PHACTR2: variants seen among roughly 807,000 people sequenced by gnomAD.
PHACTR2 encodes chromosome 6 open reading frame 56.
Under a neutral mutation model 76.0 loss-of-function variants are expected in PHACTR2, and 30 were observed. That is an observed-to-expected ratio of 0.39 (90% CI 0.30 to 0.54). The LOEUF (loss-of-function observed/expected upper bound fraction) is 0.54, where lower values mean the gene tolerates loss of function less well. PHACTR2 is among the 20% of genes least tolerant of loss of function. The pLI is 0.61. For missense variants in PHACTR2, 696 were observed against 781.1 expected, an observed-to-expected ratio of 0.89 and a Z score of 1.30; for synonymous variants, 292 against 292.5, an observed-to-expected ratio of 1.00 and a Z score of 0.02.
chr6:143,665,882 T>C (rs2128449405), intron 1 of PHACTR2, among the ~76,000 whole-genome samples: 1 of 152,338 alleles, frequency 6.6e-6, no homozygotes, highest in East Asian at 1.9e-4. Flanking sequence ...ATTATTTTTA[T>C]TTTATTATAC....
At chr6:143,727,698 C>G (rs950282278) in intron 2 of PHACTR2, among the ~76,000 whole-genome samples, 4 of 152,130 alleles carry the variant, frequency 2.6e-5, no homozygotes, top group Non-Finnish European at 5.9e-5. Flanking sequence ...ATTTGCATTT[C>G]CCTGATGATT....
chr6:143,720,092 G>C (rs576922589), intron 2 of PHACTR2, among the ~76,000 whole-genome samples: 8 of 152,040 alleles, frequency 5.3e-5, no homozygotes, highest in Non-Finnish European at 8.8e-5. Context: ...GATTATAAGT[G>C]TGCGCCACTG....
intron 7 of PHACTR2, 102 bp from the exon 8 acceptor site, chr6:143,773,957 G>A: frequency 1.2e-6 from 1 of 859,334 alleles, no homozygotes; most frequent in Non-Finnish European, 1.8e-6. Context: ...TGAGGAGAAA[G>A]AATTTGGTCT....
intron 1 of PHACTR2, among the ~76,000 whole-genome samples, chr6:143,567,553 C>T (rs946614517): frequency 6.6e-5 from 10 of 152,172 alleles, no homozygotes; most frequent in Admixed American, 4.6e-4. Flanking sequence ...CACACGCCGC[C>T]GCGCCTGGTG....
rs934533534 is a variant in PHACTR2 at position 143,753,480 on chromosome 6, C to G, written c.296-274C>G. Among the ~76,000 whole-genome samples, 1 of 152,108 alleles carries G rather than the reference C, an allele frequency of 6.6e-6. No homozygotes were observed. Among genetic ancestry groups the G allele is most frequent in the African/African-American group, 2.4e-5 (1 of 41,416 alleles). ...CTTCAGACAAACCTAAGCACATGAACGAGGGACTCTGCTGCCCTGGGATAT... is the reference window on the plus strand; with the variant it reads ...CTTCAGACAAACCTAAGCACATGAAGGAGGGACTCTGCTGCCCTGGGATAT... On this transcript the variant is annotated intron_variant, in intron 3 of 12. Coordinates refer to ENST00000440869, the MANE Select transcript of PHACTR2 (RefSeq NM_001100164.2). This position sits in a 1 kb window ranked among gnomAD's most constrained non-coding sequence, Gnocchi z 4.6.
At chr6:143,567,105 A>G (rs1775374773) in intron 1 of PHACTR2, among the ~76,000 whole-genome samples, 2 of 152,142 alleles carry the variant, frequency 1.3e-5, no homozygotes, top group South Asian at 4.1e-4. Flanking sequence ...TTCCCAGAGC[A>G]GTGGCCTCTC....
chr6:143,574,755 A>G lies in PHACTR2; in HGVS notation c.217+37548A>G, dbSNP rs916417113. Among the ~76,000 whole-genome samples, 5 of 151,698 alleles carry G rather than the reference A, an allele frequency of 3.3e-5. No homozygotes were observed. The East Asian group carries it at 9.6e-4, about 29-fold the overall frequency. On this transcript the variant is annotated intron_variant, in intron 1 of 11. Transcript: ENST00000367584. ...GGAAATTTGATGTGAATATTTTCCAAGAGCCCAAAGGACTAAGGACTGTCT... is the reference window on the plus strand; with the variant it reads ...GGAAATTTGATGTGAATATTTTCCAGGAGCCCAAAGGACTAAGGACTGTCT...
chr6:143,652,202 T>A lies in PHACTR2; in HGVS notation c.13+43880T>A, dbSNP rs568890323. Among the ~76,000 whole-genome samples, 131 of 152,358 alleles carry A rather than the reference T, an allele frequency of 8.6e-4. No homozygotes were observed. Among genetic ancestry groups the A allele is most frequent in the Non-Finnish European group, 1.6e-3 (106 of 68,040 alleles). On this transcript the variant is annotated intron_variant, in intron 1 of 11. Transcript: ENST00000305766. This position sits in a 1 kb window ranked among gnomAD's most constrained non-coding sequence, Gnocchi z 4.5. ...AAGGATTGAAAGCCACTACTTGCTT[T>A]CATTTCTTGAAATACATTTCTTTAA...
Position 143,680,488 on chromosome 6 carries a change from A to G in PHACTR2, c.46+2279A>G, listed in dbSNP as rs899358185. 5.3e-5 allele frequency among the ~76,000 whole-genome samples: 8 copies of G among 152,182 alleles called. No individual in the cohort carries two copies. Among genetic ancestry groups the G allele is most frequent in the African/African-American group, 1.9e-4 (8 of 41,448 alleles). Reference sequence around the variant, plus strand: ...ATCGCTCAATTTGGCCTTTTGTAAAAATCTTCATTATAGGCTAGAAGTTAG... The same window carrying G: ...ATCGCTCAATTTGGCCTTTTGTAAAGATCTTCATTATAGGCTAGAAGTTAG... On this transcript the variant is annotated intron_variant, in intron 1 of 12. Transcript: ENST00000440869. The surrounding 1 kb of genome is among the most constrained non-coding windows in gnomAD (Gnocchi z 4.5).
At chr6:143,566,739 C>T (rs1341538219) in intron 1 of PHACTR2, among the ~76,000 whole-genome samples, 1 of 151,588 alleles carries the variant, frequency 6.6e-6, no homozygotes, top group Non-Finnish European at 1.5e-5. Context: ...CTTGCCTTCC[C>T]TAACCTCAGA....
rs57666805 is a variant in PHACTR2, at chr6:143,784,036, G to GA, written c.1707+767dup. 0.73 allele frequency among the ~76,000 whole-genome samples: 104,709 copies of GA among 144,240 alleles called. 37,714 individuals carry two copies. The highest frequency in any genetic ancestry group is 0.8 in the Middle Eastern group (217 of 272). 94.6% of individuals were successfully genotyped at this position (144,240 alleles called of 152,430 possible). A position where few individuals can be genotyped will look rare whatever the true frequency, so the allele number is the denominator to read the frequency against. On this transcript the variant is annotated intron_variant, in intron 10 of 12. Coordinates refer to ENST00000440869, the MANE Select transcript of PHACTR2 (RefSeq NM_001100164.2). The surrounding 1 kb of genome is among the most constrained non-coding windows in gnomAD (Gnocchi z 4.5). ...ATTAATCTCGCTTGATTAGAACAAT[G>GA]AAAAAAAAAAAGAAAAAAAGAAGTG...
rs1045089614 is a variant in PHACTR2 at position 143,546,464 on chromosome 6, G to C, written c.217+9257G>C. Among the ~76,000 whole-genome samples, 4 of 152,018 alleles carry C rather than the reference G, an allele frequency of 2.6e-5. No homozygotes were observed. Among genetic ancestry groups the C allele is most frequent in the Admixed American group, 2.6e-4 (4 of 15,260 alleles). Reference sequence around the variant, plus strand: ...ATTTTGGGTCCATAACTCACATACTGTAAGCATGTGACATAATAATTAATG... The same window carrying C: ...ATTTTGGGTCCATAACTCACATACTCTAAGCATGTGACATAATAATTAATG... On this transcript the variant is annotated intron_variant, in intron 1 of 11. Transcript: ENST00000367584. This position sits in a 1 kb window ranked among gnomAD's most constrained non-coding sequence, Gnocchi z 4.9.
chr6:143,670,638 C>G (rs1777136991), intron 1 of PHACTR2, among the ~76,000 whole-genome samples: 1 of 152,078 alleles, frequency 6.6e-6, no homozygotes, highest in Admixed American at 6.5e-5. Context: ...ATCAATTCGA[C>G]TATTGATACT....
intron 1 of PHACTR2, among the ~76,000 whole-genome samples, chr6:143,650,236 A>T (rs1776736793): frequency 6.6e-6 from 1 of 152,186 alleles, no homozygotes; most frequent in Non-Finnish European, 1.5e-5. Context: ...GATAGGAAGG[A>T]TCAATATCAT....
chr6:143,607,300 A>G (rs9376769), upstream of PHACTR2, among the ~76,000 whole-genome samples: 55,793 of 152,148 alleles, frequency 0.37, 11,180 homozygotes, highest in Non-Finnish European at 0.46. Context: ...CGCTGTCCCC[A>G]GCATCTAATG....
rs1401989968 is a variant in PHACTR2 at position 143,664,081 on chromosome 6, T to A, written c.14-47935T>A. On this transcript the variant is annotated intron_variant, in intron 1 of 11. Coordinates refer to the PHACTR2 transcript ENST00000305766. This position sits in a 1 kb window ranked among gnomAD's most constrained non-coding sequence, Gnocchi z 5.1. ...GCTTTAGATATATATATGGTTCTGA[T>A]GTCAGGGATATATGAGATAATAATT... Among the ~76,000 whole-genome samples, 1 of 152,208 alleles carries A rather than the reference T, an allele frequency of 6.6e-6. No homozygotes were observed. Among genetic ancestry groups the A allele is most frequent in the African/African-American group, 2.4e-5 (1 of 41,468 alleles).
At position 143,589,060 on chromosome 6, in the gene PHACTR2, G is replaced by T. The variant is rs775290320; in HGVS notation, c.217+51853G>T. Among the ~76,000 whole-genome samples the T allele has an allele frequency of 1.3e-4, 20 of 152,204 alleles. No individual in the cohort carries two copies. The highest frequency in any genetic ancestry group is 2.4e-4 in the Non-Finnish European group (16 of 68,044). On this transcript the variant is annotated intron_variant, in intron 1 of 11. Coordinates refer to the PHACTR2 transcript ENST00000367584. The surrounding 1 kb of genome is among the most constrained non-coding windows in gnomAD (Gnocchi z 4.4). ...CTGCCACAACAAAATGCCACAGATT[G>T]GGTGGCTTAAATAACAGAAATTTAT...
chr6:143,804,583 A>G (rs1460208281), intron 11 of PHACTR2, among the ~76,000 whole-genome samples: 2 of 152,216 alleles, frequency 1.3e-5, no homozygotes, highest in East Asian at 1.9e-4. Flanking sequence ...ATGCATATGT[A>G]TATGGTCATC....
At chr6:143,808,269 C>T (rs1039360529) in intron 12 of PHACTR2, among the ~76,000 whole-genome samples, 2 of 151,878 alleles carry the variant, frequency 1.3e-5, no homozygotes, top group Non-Finnish European at 2.9e-5. Context: ...GCTGGGATTA[C>T]AGGCATGTGC....
Sources: allele counts gnomAD v4.1 joint callset (sites outside exome capture counted in the v4.1 genomes callset), GRCh38; gene constraint gnomAD v4.1.1; non-coding constraint Gnocchi (gnomAD v3.1); transcripts MANE v1.5; gene names NCBI Gene and HGNC (gene_info 2026-07-23, HGNC 2026-07-21).